TLK1: variants seen among roughly 807,000 people sequenced by gnomAD.
TLK1 encodes serine/threonine-protein kinase tousled-like 1.
A neutral mutation model predicts 105.3 loss-of-function variants in TLK1; 24 were observed. That is an observed-to-expected ratio of 0.23 (90% CI 0.17 to 0.32). The LOEUF (loss-of-function observed/expected upper bound fraction) is 0.32. TLK1 is among the 10% of genes least tolerant of loss of function. The pLI is 1.00. For missense variants in TLK1, 558 were observed against 910.5 expected (o/e 0.61, Z 4.98); for synonymous variants, 321 against 310.4 (o/e 1.03, Z -0.36).
intron 11 of TLK1, among the ~76,000 whole-genome samples, chr2:171,033,891 TTA>T (rs1559355210): frequency 5.2e-5 from 7 of 134,392 alleles, no homozygotes; most frequent in Admixed American, 1.5e-4. Flanking sequence ...TCCAGATTTT[TTA>T]AAAAAAAAAA....
At chr2:171,069,764 C>CA (rs1177513653) in intron 3 of TLK1, among the ~76,000 whole-genome samples, 4 of 152,194 alleles carry the variant, frequency 2.6e-5, no homozygotes, top group African/African-American at 9.6e-5. Context: ...GACGACATCT[C>CA]ACTGGATGAT....
At chr2:171,096,943 A>G (rs999830767) in intron 2 of TLK1, among the ~76,000 whole-genome samples, 1 of 152,174 alleles carries the variant, frequency 6.6e-6, no homozygotes, top group African/African-American at 2.4e-5. Flanking sequence ...ATCCTAATAA[A>G]ACTCCAATGG....
At chr2:171,022,195 T>G (rs1201759313) in intron 12 of TLK1, among the ~76,000 whole-genome samples, 2 of 151,604 alleles carry the variant, frequency 1.3e-5, no homozygotes, top group African/African-American at 4.9e-5. Flanking sequence ...ACTACCAAGT[T>G]AAGGTTGTGT....
chr2:171,006,342 A>T, intron 17 of TLK1, 60 bp from the exon 18 acceptor site: 1 of 1,497,168 alleles, frequency 6.7e-7, no homozygotes, highest in Middle Eastern at 1.8e-4. Flanking sequence ...AACTTTAATA[A>T]CTTTTAATTT....
Position 171,160,441 on chromosome 2 carries a change from T to C in TLK1, c.-13A>G. On this transcript the variant is annotated 5_prime_UTR_variant, in exon 1 of 21. Coordinates refer to ENST00000431350, the MANE Select transcript of TLK1 (RefSeq NM_012290.5). The surrounding 1 kb of genome is among the most constrained non-coding windows in gnomAD (Gnocchi z 4.4). ...TTTGGACACTCATCAAGCTACTTTC[T>C]GGGAACCCGACTCCCCCCCTGCGAC... The C allele has an allele frequency of 1.3e-6, 2 of 1,590,224 alleles. No homozygotes were observed. Among genetic ancestry groups the C allele is most frequent in the Non-Finnish European group, 1.7e-6 (2 of 1,170,308 alleles).
intron 1 of TLK1, among the ~76,000 whole-genome samples, chr2:171,134,353 T>C (rs1407677984): frequency 1.3e-5 from 2 of 152,206 alleles, no homozygotes; most frequent in African/African-American, 2.4e-5. Context: ...ATTACCTTTG[T>C]AAGTAAGGAT....
At position 170,993,703 on chromosome 2, in the gene TLK1, A is replaced by T. The variant is rs1575492211; in HGVS notation, c.*77T>A. The T allele has an allele frequency of 5.7e-6, 7 of 1,231,992 alleles. No individual in the cohort carries two copies. In the East Asian group the frequency reaches 1.6e-4, roughly 29 times the overall value. The allele number at this position is 1,231,992 out of a possible 1,614,324, so 76.3% of individuals were successfully genotyped here. On this transcript the variant is annotated 3_prime_UTR_variant, in exon 21 of 21. Coordinates refer to ENST00000431350, the MANE Select transcript of TLK1 (RefSeq NM_012290.5). ...AAAAAAAAAAAAAGAAAAAGAAAAC[A>T]AACACTCAAATGCTCTCAAACTTAA...
chr2:171,021,254 T>A (rs568018915), intron 12 of TLK1, among the ~76,000 whole-genome samples: 1 of 108,036 alleles, frequency 9.3e-6, no homozygotes, highest in Non-Finnish European at 2.1e-5. Flanking sequence ...ATTGGCAAAA[T>A]TTAAATATCT....
At chr2:171,032,628 A>C (rs1233348561) in intron 11 of TLK1, among the ~76,000 whole-genome samples, 1 of 152,208 alleles carries the variant, frequency 6.6e-6, no homozygotes, top group Non-Finnish European at 1.5e-5. Context: ...CTATGTCCAC[A>C]GATTGGAGAC....
chr2:171,200,341 G>A (rs532319514), intron 1 of TLK1, among the ~76,000 whole-genome samples: 2 of 152,168 alleles, frequency 1.3e-5, no homozygotes, highest in East Asian at 3.9e-4. Context: ...TTACTTAAAG[G>A]AGTTTAAAAT....
chr2:171,006,736 C>A (rs1684669500), intron 16 of TLK1, 64 bp downstream of exon 16: 1 of 1,590,772 alleles, frequency 6.3e-7, no homozygotes, highest in African/African-American at 1.3e-5. Flanking sequence ...ATCATCAACA[C>A]AGGATGGGGA....
chr2:171,041,810 T>C (rs2105415393), intron 11 of TLK1, among the ~76,000 whole-genome samples: 1 of 152,324 alleles, frequency 6.6e-6, no homozygotes, highest in South Asian at 2.1e-4. Context: ...AATTGATAAC[T>C]AGATTCATAA....
intron 1 of TLK1, among the ~76,000 whole-genome samples, chr2:171,169,745 C>A (rs181382270): frequency 6.6e-6 from 1 of 152,098 alleles, no homozygotes; most frequent in Admixed American, 6.5e-5. Context: ...GTTTATTACC[C>A]CAGATTAAAT....
intron 2 of TLK1, among the ~76,000 whole-genome samples, chr2:171,085,590 C>A (rs1019666168): frequency 6.6e-6 from 1 of 151,974 alleles, no homozygotes; most frequent in Non-Finnish European, 1.5e-5. Flanking sequence ...ATAAGCTATT[C>A]AAGGAAAGAA....
At chr2:171,081,623 G>A (rs1228757258) in intron 3 of TLK1, 2 of 1,298,774 alleles carry the variant, frequency 1.5e-6, no homozygotes, top group South Asian at 2.5e-5. Context: ...GATGCTACAG[G>A]GGCTACTAAC....
chr2:171,152,420 A>G (rs986768986), intron 1 of TLK1, among the ~76,000 whole-genome samples: 2 of 152,186 alleles, frequency 1.3e-5, no homozygotes, highest in Non-Finnish European at 2.9e-5. Context: ...TGCTCTGCAT[A>G]TCTTTCCACT....
At chr2:171,127,788 G>A (rs1480192589) in intron 1 of TLK1, among the ~76,000 whole-genome samples, 3 of 151,080 alleles carry the variant, frequency 2.0e-5, no homozygotes, top group Admixed American at 6.6e-5. Flanking sequence ...CATAAACATC[G>A]GTCTGTTTTG....
intron 1 of TLK1, among the ~76,000 whole-genome samples, chr2:171,183,580 T>C (rs911308996): frequency 6.6e-6 from 1 of 152,224 alleles, no homozygotes; most frequent in South Asian, 2.1e-4. Context: ...TATATGTATA[T>C]GTTGCAAATA....
chr2:170,998,892 C>T (rs1684214959), intron 18 of TLK1, among the ~76,000 whole-genome samples: 1 of 152,116 alleles, frequency 6.6e-6, no homozygotes, highest in African/African-American at 2.4e-5. Flanking sequence ...CCTTAGCCTC[C>T]CAAATAGATG....
Sources: gnomAD v4.1 joint callset for allele counts (sites outside exome capture counted in the v4.1 genomes callset) on GRCh38, gnomAD v4.1.1 for gene constraint, Gnocchi (gnomAD v3.1) non-coding constraint, MANE v1.5 for transcripts, NCBI Gene and HGNC (gene_info 2026-07-23, HGNC 2026-07-21) for gene names.